The following KCNQ1 variants were observed in gnomAD, a reference collection of about 807,000 sequenced individuals.
KCNQ1 encodes the protein potassium voltage-gated channel subfamily Q member 1, also known as potassium voltage-gated channel subfamily KQT member 1.
In KCNQ1, 49 loss-of-function variants were observed where a neutral mutation model predicts 72.4. The ratio of observed to expected loss-of-function variants is 0.68; its 90% CI spans 0.54 to 0.86. The LOEUF (loss-of-function observed/expected upper bound fraction) is 0.86, where lower values mean the gene tolerates loss of function less well. KCNQ1 is among the 40% of genes least tolerant of loss of function. The pLI is 0.00. For missense variants in KCNQ1, 790 were observed against 945.1 expected (o/e 0.84, Z 2.15); for synonymous variants, 450 against 412.6 (o/e 1.09, Z -1.10).
In KCNQ1 at chr11:2,826,175, C is replaced by T. The variant is rs1410502511; in HGVS notation, c.1795-21592C>T. The stretch of plus-strand genomic sequence containing the variant: ...GGGGCTGTCCAGCCCGCAGCAGAAC[C>T]TCTCCGAGGGAGTGCTATTGTTTTT... On this transcript the variant is annotated intron_variant, in intron 15 of 15. Transcript: ENST00000155840. The surrounding 1 kb of genome is among the most constrained non-coding windows in gnomAD (Gnocchi z 4.2). 2.6e-5 allele frequency among the ~76,000 whole-genome samples: 4 copies of T among 152,238 alleles called. No homozygotes were observed. Among genetic ancestry groups the T allele is most frequent in the Non-Finnish European group, 5.9e-5 (4 of 68,046 alleles).
intron 2 of KCNQ1, among the ~76,000 whole-genome samples, chr11:2,533,630 C>G (rs1162221784): frequency 6.6e-6 from 1 of 152,228 alleles, no homozygotes; most frequent in East Asian, 1.9e-4. Context: ...TGTGTGTGCA[C>G]ACGTGTGTCT....
rs1219992164 is a variant in KCNQ1, at chr11:2,703,562, C to G, written c.1514+41481C>G. ...CGTCCACTCGGCTTTTCTCTTGATT[C>G]CAAGGTATTTAGAGTGGGGGTGGGG... On this transcript the variant is annotated intron_variant, in intron 11 of 15. Transcript: ENST00000155840. This position sits in a 1 kb window ranked among gnomAD's most constrained non-coding sequence, Gnocchi z 6.4. Among the ~76,000 whole-genome samples, 1 of 152,132 alleles carries G rather than the reference C, an allele frequency of 6.6e-6. No homozygotes were observed. Among genetic ancestry groups the G allele is most frequent in the African/African-American group, 2.4e-5 (1 of 41,424 alleles).
At position 2,461,676 on chromosome 11, in the gene KCNQ1, A is replaced by G. The variant is rs1399999291; in HGVS notation, c.386+16192A>G. On this transcript the variant is annotated intron_variant, in intron 1 of 15. Coordinates refer to ENST00000155840, the MANE Select transcript of KCNQ1 (RefSeq NM_000218.3). ...GTGGCTGCTGTGGACCCTGGGAAAG[A>G]GCCTGTGCTTCCTGAGCCAGTGCGG... 3 of 1,367,078 alleles carry G rather than the reference A, an allele frequency of 2.2e-6. No homozygotes were observed. In the East Asian group the frequency reaches 1.4e-4, roughly 62 times the overall value. The allele number at this position is 1,367,078 out of a possible 1,614,324, so 84.7% of individuals were successfully genotyped here.
In KCNQ1 at chr11:2,661,300, A is replaced by G. The variant is rs11820621; in HGVS notation, c.1394-661A>G. 0.022 allele frequency: 8,859 copies of G among 401,016 alleles called. 682 individuals carry two copies. The highest frequency in any genetic ancestry group is 0.16 in the African/African-American group (7,903 of 48,718). 24.8% of individuals were successfully genotyped at this position (401,016 alleles called of 1,614,324 possible). A position where few individuals can be genotyped will look rare whatever the true frequency, so the allele number is the denominator to read the frequency against. On this transcript the variant is annotated intron_variant, in intron 10 of 15. Transcript: ENST00000155840. This position sits in a 1 kb window ranked among gnomAD's most constrained non-coding sequence, Gnocchi z 5.9. ...GCCAAGAGCAAATACTGATAGTGTC[A>G]ACAGAGAGTGGGGAGTGATAAGGAT...
chr11:2,582,849 G>A (rs757095700), intron 6 of KCNQ1, among the ~76,000 whole-genome samples: 9 of 152,176 alleles, frequency 5.9e-5, no homozygotes, highest in Non-Finnish European at 8.8e-5. Flanking sequence ...ATGCCAGCGC[G>A]GGGGAAAGGG....
intron 10 of KCNQ1, among the ~76,000 whole-genome samples, chr11:2,607,795 CTGAAA>C (rs1221618893): frequency 6.6e-6 from 1 of 152,122 alleles, no homozygotes; most frequent in African/African-American, 2.4e-5. Context: ...CCTTGCATTC[CTGAAA>C]TAAGTCCCAT....
In KCNQ1 at chr11:2,652,044, T is replaced by TGA; in HGVS notation, c.1394-9916_1394-9915dup. On this transcript the variant is annotated intron_variant, in intron 10 of 15. Transcript: ENST00000155840. This position sits in a 1 kb window ranked among gnomAD's most constrained non-coding sequence, Gnocchi z 5.9. ...CCTCCCCCCAGTTCTGGGGTGGCTC[T>TGA]GACTGTGTCCAGGCTCCAATTTGAG... The TGA allele has an allele frequency of 5.0e-6, 2 of 398,672 alleles. No homozygotes were observed. The highest frequency in any genetic ancestry group is 8.8e-6 in the Non-Finnish European group (2 of 226,100). 24.7% of individuals were successfully genotyped at this position (398,672 alleles called of 1,614,324 possible).
intron 2 of KCNQ1, among the ~76,000 whole-genome samples, chr11:2,545,092 C>A (rs942394584): frequency 2.0e-5 from 3 of 152,222 alleles, no homozygotes; most frequent in Non-Finnish European, 2.9e-5. Context: ...ATGATAATTA[C>A]ACTGATTCAT....
intron 10 of KCNQ1, chr11:2,622,062 GT>G (rs141101139): frequency 0.14 from 54,774 of 398,132 alleles, 4,056 homozygotes; most frequent in African/African-American, 0.21. Context: ...CTTTTGGTAT[GT>G]TGTGTTCCCA....
chr11:2,837,386 C>T (rs530885102), intron 15 of KCNQ1, among the ~76,000 whole-genome samples: 14 of 152,198 alleles, frequency 9.2e-5, no homozygotes, highest in Non-Finnish European at 1.0e-4. Context: ...CAGGAGAGCC[C>T]GCTCCGCGCT....
chr11:2,631,246 T>G, intron 10 of KCNQ1: 2 of 398,556 alleles, frequency 5.0e-6, no homozygotes, highest in Non-Finnish European at 8.8e-6. Flanking sequence ...TGGTGTCCCA[T>G]AAATCCTGTA....
Position 2,803,915 on chromosome 11 carries a change from G to T in KCNQ1, c.1794+25878G>T, listed in dbSNP as rs1047938593. On this transcript the variant is annotated intron_variant, in intron 15 of 15. Transcript: ENST00000155840. The surrounding 1 kb of genome is among the most constrained non-coding windows in gnomAD (Gnocchi z 6.4). The stretch of plus-strand genomic sequence containing the variant: ...TTGGATGGGGCCGCCTCTGCCACCT[G>T]CTCCAGCCACCTGGCAGATCCCACT... Among the ~76,000 whole-genome samples the T allele has an allele frequency of 2.0e-5, 3 of 152,098 alleles. No homozygotes were observed. The highest frequency in any genetic ancestry group is 2.1e-4 in the South Asian group (1 of 4,826).
rs938695938 is a variant in KCNQ1, at chr11:2,546,400, T to C, written c.477+18382T>C. ...TACTCCATTGTGTGCTTGGAAAGAG[T>C]GTGTACTGCTGTTGTTGGGAGGACT... On this transcript the variant is annotated intron_variant, in intron 2 of 15. Coordinates refer to ENST00000155840, the MANE Select transcript of KCNQ1 (RefSeq NM_000218.3). Among the ~76,000 whole-genome samples, 6 of 152,272 alleles carry C rather than the reference T, an allele frequency of 3.9e-5. No individual in the cohort carries two copies. The East Asian group carries it at 9.6e-4, about 24-fold the overall frequency.
chr11:2,572,392 A>C (rs930488591), intron 5 of KCNQ1, among the ~76,000 whole-genome samples: 4 of 152,168 alleles, frequency 2.6e-5, no homozygotes, highest in African/African-American at 9.7e-5. Context: ...AAAGTCAGAA[A>C]TGAAAAACCC....
At chr11:2,758,604 T>C (rs932400586) in intron 11 of KCNQ1, among the ~76,000 whole-genome samples, 1 of 152,130 alleles carries the variant, frequency 6.6e-6, no homozygotes, top group Non-Finnish European at 1.5e-5. Flanking sequence ...CAAAACTAAA[T>C]GAAAATTTAT....
chr11:2,505,012 C>T (rs911210050), intron 1 of KCNQ1, among the ~76,000 whole-genome samples: 7 of 151,728 alleles, frequency 4.6e-5, no homozygotes, highest in Admixed American at 3.3e-4. Flanking sequence ...ACATTGTCTT[C>T]TCATCTTTAT....
In KCNQ1 at chr11:2,677,039, TG is replaced by T. The variant is rs1331007099; in HGVS notation, c.1514+14959del. 2.5e-6 allele frequency: 1 copy of T among 398,516 alleles called. No individual in the cohort carries two copies. Among genetic ancestry groups the T allele is most frequent in the Non-Finnish European group, 4.4e-6 (1 of 226,064 alleles). The allele number at this position is 398,516 out of a possible 1,614,324, so 24.7% of individuals were successfully genotyped here. On this transcript the variant is annotated intron_variant, in intron 11 of 15. Coordinates refer to ENST00000155840, the MANE Select transcript of KCNQ1 (RefSeq NM_000218.3). This position sits in a 1 kb window ranked among gnomAD's most constrained non-coding sequence, Gnocchi z 4.5. ...GGAACAGATCCTCTGTTGATGGATA[TG>T]TAGGGCAGCTAAAAAACAGCAGCCA...
chr11:2,809,796 T>C lies in KCNQ1; in HGVS notation c.1794+31759T>C, dbSNP rs746876728. Among the ~76,000 whole-genome samples the C allele has an allele frequency of 6.6e-6, 1 of 152,166 alleles. No individual in the cohort carries two copies. The highest frequency in any genetic ancestry group is 1.5e-5 in the Non-Finnish European group (1 of 68,040). Reference sequence around the variant, plus strand: ...ATGTTTCCCTGAGCTCTTCCCTCTCTGTCTCTAATTGATGTGTTTTCCTCC... The same window carrying C: ...ATGTTTCCCTGAGCTCTTCCCTCTCCGTCTCTAATTGATGTGTTTTCCTCC... On this transcript the variant is annotated intron_variant, in intron 15 of 15. Transcript: ENST00000155840. The surrounding 1 kb of genome is among the most constrained non-coding windows in gnomAD (Gnocchi z 7.1).
rs1463244795 is a variant in KCNQ1 at position 2,703,828 on chromosome 11, AG to A, written c.1514+41750del. 3.3e-5 allele frequency among the ~76,000 whole-genome samples: 5 copies of A among 152,184 alleles called. No individual in the cohort carries two copies. Among genetic ancestry groups the A allele is most frequent in the Non-Finnish European group, 5.9e-5 (4 of 68,022 alleles). On this transcript the variant is annotated intron_variant, in intron 11 of 15. Transcript: ENST00000155840. This position sits in a 1 kb window ranked among gnomAD's most constrained non-coding sequence, Gnocchi z 6.4. ...ACCCTGCCCCCACCCTCGGAGTCTA[AG>A]GGTGGAACCATCTTCAGACCCAGCC...
Sources: gnomAD v4.1 joint callset for allele counts (sites outside exome capture counted in the v4.1 genomes callset) on GRCh38, gnomAD v4.1.1 for gene constraint, Gnocchi (gnomAD v3.1) non-coding constraint, MANE v1.5 for transcripts, NCBI Gene and HGNC (gene_info 2026-07-23, HGNC 2026-07-21) for gene names.